The following CLVS1 variants were observed in gnomAD, a reference collection of about 807,000 sequenced individuals.
The protein encoded by CLVS1 is clavesin 1, also known as clavesin-1.
A neutral mutation model predicts 33.1 loss-of-function variants in CLVS1; 10 were observed. The ratio of observed to expected loss-of-function variants is 0.30; its 90% CI spans 0.19 to 0.51. The LOEUF (loss-of-function observed/expected upper bound fraction) is 0.51. CLVS1 is among the 20% of genes least tolerant of loss of function. The pLI is 0.97. For synonymous variants in CLVS1, 163 were observed against 166.1 expected, an observed-to-expected ratio of 0.98 and a Z score of 0.14; for missense variants, 343 against 433.4, an observed-to-expected ratio of 0.79 and a Z score of 1.85.
At chr8:61,209,369 AT>A (rs1215329885) in intron 2 of CLVS1, among the ~76,000 whole-genome samples, 1 of 152,194 alleles carries the variant, frequency 6.6e-6, no homozygotes, top group Non-Finnish European at 1.5e-5. Context: ...TCATTGTCAC[AT>A]TTTTACATTT....
chr8:61,428,940 C>T (rs987544647), intron 3 of CLVS1, among the ~76,000 whole-genome samples: 2 of 152,148 alleles, frequency 1.3e-5, no homozygotes, highest in African/African-American at 4.8e-5. Context: ...AGTATATACA[C>T]ATGTAAGTAT....
intron 2 of CLVS1, among the ~76,000 whole-genome samples, chr8:61,317,642 T>G (rs1161964203): frequency 6.6e-6 from 1 of 152,216 alleles, no homozygotes; most frequent in Non-Finnish European, 1.5e-5. Flanking sequence ...ATTACTTTTT[T>G]CTTCACTTCT....
At chr8:61,312,332 G>A (rs376137110) in intron 2 of CLVS1, among the ~76,000 whole-genome samples, 32 of 152,262 alleles carry the variant, frequency 2.1e-4, no homozygotes, top group African/African-American at 6.5e-4. Context: ...CCCATGCTTC[G>A]CTCCAGTTGT....
At chr8:61,233,685 C>A (rs2022740050) in intron 2 of CLVS1, among the ~76,000 whole-genome samples, 1 of 152,222 alleles carries the variant, frequency 6.6e-6, no homozygotes, top group Non-Finnish European at 1.5e-5. Flanking sequence ...CTCTCACTGC[C>A]AGGTCTCCTC....
chr8:61,432,100 A>C (rs1359400412), intron 3 of CLVS1, among the ~76,000 whole-genome samples: 1 of 152,194 alleles, frequency 6.6e-6, no homozygotes, highest in East Asian at 1.9e-4. Context: ...ATGCTCATCT[A>C]TGTTATAAAA....
chr8:61,013,660 G>A, the CLVS1 span, among the ~76,000 whole-genome samples: 2 of 152,194 alleles, frequency 1.3e-5, no homozygotes, highest in Non-Finnish European at 2.9e-5. Flanking sequence ...TGGCTGATCT[G>A]CAAATCTGCA....
At chr8:61,295,015 T>C (rs1810142835) in intron 1 of CLVS1, among the ~76,000 whole-genome samples, 1 of 152,336 alleles carries the variant, frequency 6.6e-6, no homozygotes, top group East Asian at 1.9e-4. Context: ...TATCATAGTA[T>C]GGATACTCTT....
chr8:61,245,304 T>G (rs773794063), intron 2 of CLVS1, among the ~76,000 whole-genome samples: 2 of 151,956 alleles, frequency 1.3e-5, no homozygotes, highest in Non-Finnish European at 2.9e-5. Flanking sequence ...TGCCTCAGCC[T>G]CCCGAGTAGC....
chr8:61,141,071 C>A (rs917833285), intron 2 of CLVS1, among the ~76,000 whole-genome samples: 1 of 152,118 alleles, frequency 6.6e-6, no homozygotes, highest in South Asian at 2.1e-4. Flanking sequence ...CACTTATCTG[C>A]GCTCATCTGA....
intron 5 of CLVS1, among the ~76,000 whole-genome samples, chr8:61,461,427 A>G (rs1313850667): frequency 6.6e-6 from 1 of 152,220 alleles, no homozygotes; most frequent in Non-Finnish European, 1.5e-5. Flanking sequence ...CTGATGTCTT[A>G]TCTTCTTAGT....
At chr8:61,471,023 C>T (rs766738552) in intron 5 of CLVS1, among the ~76,000 whole-genome samples, 1 of 152,222 alleles carries the variant, frequency 6.6e-6, no homozygotes, top group Non-Finnish European at 1.5e-5. Flanking sequence ...CAGGGCTCCA[C>T]GTACACAGCC....
At position 61,295,927 on chromosome 8, in the gene CLVS1, CTAT is replaced by C. The variant is rs1810189597; in HGVS notation, c.-151-3741_-151-3739del. The stretch of plus-strand genomic sequence containing the variant: ...AAATACCTATAATAAATAATAAGCA[CTAT>C]TATTATTAATATTGCCAGCACAGAA... On this transcript the variant is annotated intron_variant, in intron 1 of 5. Transcript: ENST00000325897. Among the ~76,000 whole-genome samples, 2 of 152,090 alleles carry C rather than the reference CTAT, an allele frequency of 1.3e-5. 1 individual carries two copies. Among genetic ancestry groups the C allele is most frequent in the South Asian group, 4.1e-4 (2 of 4,826 alleles).
At chr8:61,257,310 A>T (rs530133727) in intron 2 of CLVS1, among the ~76,000 whole-genome samples, 10 of 152,278 alleles carry the variant, frequency 6.6e-5, no homozygotes, top group Admixed American at 3.3e-4. Flanking sequence ...TCAGGCCTTG[A>T]CTTCCTACAA....
At chr8:61,402,177 G>A (rs1563537325) in intron 3 of CLVS1, among the ~76,000 whole-genome samples, 1 of 152,004 alleles carries the variant, frequency 6.6e-6, no homozygotes, top group African/African-American at 2.4e-5. Flanking sequence ...ATTCTTAGCA[G>A]CCATAAAAAG....
intron 3 of CLVS1, chr8:61,377,022 T>C: frequency 2.4e-6 from 1 of 412,320 alleles, no homozygotes; most frequent in Non-Finnish European, 4.3e-6. Flanking sequence ...GTAGCAATAA[T>C]GAATAAAGCT....
intron 3 of CLVS1, among the ~76,000 whole-genome samples, chr8:61,379,813 C>T (rs543509168): frequency 9.9e-5 from 15 of 152,260 alleles, no homozygotes; most frequent in African/African-American, 3.6e-4. Context: ...AAGCCTCGGA[C>T]ATTCTGAAGC....
At chr8:61,133,433 G>C (rs16926906) in intron 2 of CLVS1, among the ~76,000 whole-genome samples, 7,230 of 152,272 alleles carry the variant, frequency 0.047, 540 homozygotes, top group African/African-American at 0.16. Flanking sequence ...AGGCATGGCT[G>C]TGTGGAATAA....
chr8:61,351,630 A>G (rs2129599003), intron 2 of CLVS1, among the ~76,000 whole-genome samples: 1 of 152,284 alleles, frequency 6.6e-6, no homozygotes. Flanking sequence ...AAAGGAACAC[A>G]CATCATAATC....
chr8:61,273,813 G>A lies in CLVS1; in HGVS notation c.-151-25864G>A, dbSNP rs145424295. The A allele has an allele frequency of 4.6e-3, 717 of 154,334 alleles. 12 individuals carry two copies. Among genetic ancestry groups the A allele is most frequent in the African/African-American group, 0.016 (668 of 41,618 alleles). The allele number at this position is 154,334 out of a possible 1,614,324, so 9.6% of individuals were successfully genotyped here. On this transcript the variant is annotated intron_variant, in intron 2 of 2. Coordinates refer to the CLVS1 transcript ENST00000522621. The stretch of plus-strand genomic sequence containing the variant: ...GAAAGGGAACTCCCTGACTCCTTGC[G>A]CTTCCCGAGTGAGGCAATGCCTCGC...
Sources: gnomAD v4.1 joint callset for allele counts (sites outside exome capture counted in the v4.1 genomes callset) on GRCh38, gnomAD v4.1.1 for gene constraint, MANE v1.5 for transcripts, NCBI Gene and HGNC (gene_info 2026-07-23, HGNC 2026-07-21) for gene names.